Variants in TBC1D19 observed in about 807,000 individuals in gnomAD.
TBC1D19 encodes TBC1 domain family member 19.
TBC1D19 carries 60 observed loss-of-function variants against 89.0 expected under a neutral mutation model. The ratio of observed to expected loss-of-function variants is 0.67; its 90% confidence interval spans 0.55 to 0.84. The LOEUF is 0.84. TBC1D19 is among the 40% of genes least tolerant of loss of function. The probability of loss-of-function intolerance (pLI) is 0.00; values close to 1 mark genes in which losing one functional copy is unlikely to be tolerated. For synonymous variants in TBC1D19, 189 were observed against 199.7 expected (o/e 0.95, Z 0.45); for missense variants, 500 against 610.8 (o/e 0.82, Z 1.91).
intron 18 of TBC1D19, among the ~76,000 whole-genome samples, chr4:26,747,908 A>G (rs539416914): frequency 6.6e-6 from 1 of 152,298 alleles, no homozygotes; most frequent in East Asian, 1.9e-4. Flanking sequence ...CATAGCTTTA[A>G]AACTATTTTT....
intron 1 of TBC1D19, among the ~76,000 whole-genome samples, chr4:26,590,944 C>A (rs1739754614): frequency 6.6e-6 from 1 of 151,060 alleles, no homozygotes; most frequent in Non-Finnish European, 1.5e-5. Flanking sequence ...CACCCATGTA[C>A]ATGGCTACTG....
intron 7 of TBC1D19, among the ~76,000 whole-genome samples, chr4:26,646,590 A>T (rs1743974621): frequency 6.6e-6 from 1 of 152,180 alleles, no homozygotes. Flanking sequence ...AGACTGGATT[A>T]AAAAAATGTG....
At position 26,621,415 on chromosome 4, in the gene TBC1D19, G is replaced by A. The variant is rs542070967; in HGVS notation, c.294+727G>A. On this transcript the variant is annotated intron_variant, in intron 4 of 20. Coordinates refer to ENST00000264866, the MANE Select transcript of TBC1D19 (RefSeq NM_018317.4). Reference sequence around the variant, plus strand: ...CACGTAATGAGCACCACAGTCAGTCGACCTTCATTCTTCAGCATAGCCTCA... The same window carrying A: ...CACGTAATGAGCACCACAGTCAGTCAACCTTCATTCTTCAGCATAGCCTCA... Among the ~76,000 whole-genome samples, 7 of 152,164 alleles carry A rather than the reference G, an allele frequency of 4.6e-5. No homozygotes were observed. The East Asian group carries it at 1.2e-3, about 25-fold the overall frequency.
chr4:26,734,995 T>TGTATATGC (rs1560503914), intron 15 of TBC1D19, among the ~76,000 whole-genome samples: 219 of 103,678 alleles, frequency 2.1e-3, no homozygotes, highest in African/African-American at 6.8e-3. Flanking sequence ...TATGTATATA[T>TGTATATGC]GTATACACAT....
chr4:26,833,564 T>C, the TBC1D19 span, among the ~76,000 whole-genome samples: 1 of 152,230 alleles, frequency 6.6e-6, no homozygotes, highest in East Asian at 1.9e-4. Context: ...AGGTGAGATT[T>C]AAATCTTAAG....
intron 1 of TBC1D19, chr4:26,585,122 C>A: frequency 2.3e-6 from 1 of 428,362 alleles, no homozygotes; most frequent in Non-Finnish European, 4.7e-6. Context: ...TACGATTTTG[C>A]TTGGATATTT....
intron 8 of TBC1D19, among the ~76,000 whole-genome samples, chr4:26,662,555 G>T (rs1745280816): frequency 1.3e-5 from 2 of 152,154 alleles, no homozygotes; most frequent in African/African-American, 4.8e-5. Context: ...GCAAGATGTG[G>T]CTGTCCAGTG....
intron 3 of TBC1D19, among the ~76,000 whole-genome samples, chr4:26,614,753 C>G (rs1741576909): frequency 6.6e-6 from 1 of 152,068 alleles, no homozygotes; most frequent in Non-Finnish European, 1.5e-5. Flanking sequence ...CTTGGCTTAA[C>G]TGAAACCTCC....
intron 11 of TBC1D19, among the ~76,000 whole-genome samples, chr4:26,677,452 G>A (rs1339227031): frequency 6.6e-6 from 1 of 151,850 alleles, no homozygotes; most frequent in Non-Finnish European, 1.5e-5. Context: ...CCGATTAGCT[G>A]GGACTACAGG....
intron 11 of TBC1D19, among the ~76,000 whole-genome samples, chr4:26,675,776 AAG>A (rs1712749341): frequency 2.0e-5 from 3 of 152,194 alleles, no homozygotes. Context: ...ACATAAATGG[AAG>A]ATTCTACATT....
At chr4:26,707,799 A>C (rs1715854843) in intron 13 of TBC1D19, among the ~76,000 whole-genome samples, 1 of 152,040 alleles carries the variant, frequency 6.6e-6, no homozygotes, top group South Asian at 2.1e-4. Flanking sequence ...ATACCAATTT[A>C]ACTTTAGTAA....
At chr4:26,616,455 A>G (rs964194566) in intron 3 of TBC1D19, among the ~76,000 whole-genome samples, 6 of 152,220 alleles carry the variant, frequency 3.9e-5, no homozygotes, top group East Asian at 1.9e-4. Flanking sequence ...TTCCCCTAAC[A>G]TAAGTCAAAA....
intron 20 of TBC1D19, chr4:26,754,252 AT>A (rs1560514630): frequency 5.2e-6 from 1 of 194,026 alleles, no homozygotes; most frequent in African/African-American, 2.3e-5. Flanking sequence ...ATTAAAGAGC[AT>A]GTATTTGGAT....
At chr4:26,817,853 A>G in the TBC1D19 span, among the ~76,000 whole-genome samples, 1 of 151,682 alleles carries the variant, frequency 6.6e-6, no homozygotes. Context: ...CTATAATCCC[A>G]GCCACTTGAA....
chr4:26,807,854 G>A, the TBC1D19 span, among the ~76,000 whole-genome samples: 13 of 152,194 alleles, frequency 8.5e-5, no homozygotes, highest in Non-Finnish European at 1.6e-4. Context: ...TATGCTATGC[G>A]AGGCACCATT....
At chr4:26,673,726 G>A (rs1303273414) in intron 10 of TBC1D19, 50 bp from the exon 11 acceptor site, 1 of 1,187,988 alleles carries the variant, frequency 8.4e-7, no homozygotes, top group South Asian at 1.3e-5. Flanking sequence ...TTTCAGTGAT[G>A]TTTCTTACAT....
At chr4:26,815,562 G>T in the TBC1D19 span, among the ~76,000 whole-genome samples, 531 of 152,268 alleles carry the variant, frequency 3.5e-3, 2 homozygotes, top group South Asian at 0.023. Flanking sequence ...TTACCAGGCT[G>T]GTGCCAAAAC....
intron 20 of TBC1D19, 99 bp downstream of exon 20, chr4:26,753,989 G>A (rs1719126585): frequency 1.5e-6 from 2 of 1,323,374 alleles, no homozygotes. Flanking sequence ...GTTACTTGTA[G>A]CCAGGTTTTT....
At chr4:26,699,697 G>T (rs1022716539) in intron 13 of TBC1D19, among the ~76,000 whole-genome samples, 4 of 152,124 alleles carry the variant, frequency 2.6e-5, no homozygotes, top group Middle Eastern at 3.2e-3. Context: ...AAAATGATGA[G>T]TTCATGTCCT....
Sources: allele counts gnomAD v4.1 joint callset (sites outside exome capture counted in the v4.1 genomes callset), GRCh38; gene constraint gnomAD v4.1.1; transcripts MANE v1.5; gene names NCBI Gene and HGNC (gene_info 2026-07-23, HGNC 2026-07-21).